The following SGCG variants were observed in gnomAD, a reference collection of about 807,000 sequenced individuals.
SGCG encodes gamma-sarcoglycan.
Under a neutral mutation model 29.3 loss-of-function variants are expected in SGCG, and 26 were observed. The ratio of observed to expected loss-of-function variants is 0.89; its 90% CI spans 0.65 to 1.23. The LOEUF is 1.23. Ranked by LOEUF, SGCG falls within the 50% of genes most tolerant of loss-of-function variation. The pLI, the probability that SGCG is intolerant of heterozygous loss-of-function variation, is 0.00. For missense variants in SGCG, 353 were observed against 356.0 expected, an observed-to-expected ratio of 0.99 and a Z score of 0.07; for synonymous variants, 145 against 129.7, an observed-to-expected ratio of 1.12 and a Z score of -0.80.
chr13:23,314,845 C>T (rs556645318), intron 6 of SGCG, among the ~76,000 whole-genome samples: 2 of 152,268 alleles, frequency 1.3e-5, no homozygotes. Context: ...ACCAAGAAAA[C>T]GGCACAATGC....
intron 6 of SGCG, among the ~76,000 whole-genome samples, chr13:23,317,249 A>G (rs926193580): frequency 1.3e-5 from 2 of 152,214 alleles, no homozygotes; most frequent in African/African-American, 4.8e-5. Flanking sequence ...AAGAATATGC[A>G]TGGAATACAG....
At chr13:23,192,331 C>A (rs4402408) in intron 1 of SGCG, among the ~76,000 whole-genome samples, 55,874 of 151,926 alleles carry the variant, frequency 0.37, 11,418 homozygotes, top group Middle Eastern at 0.47. Flanking sequence ...CATGGAGTTT[C>A]TGTTGAAGTT....
At chr13:23,265,894 C>T (rs1268921653) in intron 4 of SGCG, among the ~76,000 whole-genome samples, 1 of 152,134 alleles carries the variant, frequency 6.6e-6, no homozygotes. Context: ...TAGATTTAAC[C>T]TAGCAATCCC....
intron 2 of SGCG, among the ~76,000 whole-genome samples, chr13:23,208,294 ATGGCATC>A (rs1408140797): frequency 3.9e-5 from 6 of 152,142 alleles, no homozygotes; most frequent in African/African-American, 1.4e-4. Context: ...CAGTGTAGCA[ATGGCATC>A]TTTATTATTT....
chr13:23,185,595 T>G (rs1006580767), intron 1 of SGCG, among the ~76,000 whole-genome samples: 32 of 151,762 alleles, frequency 2.1e-4, no homozygotes, highest in African/African-American at 7.8e-4. Context: ...TTGGAACCCA[T>G]CTTGAAAAAA....
At chr13:23,310,732 C>CA (rs1402578487) in intron 6 of SGCG, among the ~76,000 whole-genome samples, 11 of 152,070 alleles carry the variant, frequency 7.2e-5, no homozygotes, top group African/African-American at 2.7e-4. Context: ...CCTCTCCACC[C>CA]ATATTTCCCC....
chr13:23,312,656 G>A (rs1049805953), intron 6 of SGCG, among the ~76,000 whole-genome samples: 1 of 152,164 alleles, frequency 6.6e-6, no homozygotes, highest in African/African-American at 2.4e-5. Context: ...TACAGTGCAT[G>A]CCATTCGGGC....
upstream of SGCG, among the ~76,000 whole-genome samples, chr13:23,179,217 C>T (rs959647643): frequency 6.6e-6 from 1 of 152,128 alleles, no homozygotes; most frequent in East Asian, 1.9e-4. Context: ...CAAACTTAAG[C>T]TGCCTACATT....
intron 5 of SGCG, 88 bp from the exon 6 acceptor site, chr13:23,295,326 AT>A: frequency 1.9e-6 from 2 of 1,076,574 alleles, no homozygotes; most frequent in Non-Finnish European, 2.9e-6. Flanking sequence ...CAAAATCCAT[AT>A]GTTCTTTAAT....
At chr13:23,239,337 A>G (rs1051447637) in intron 3 of SGCG, among the ~76,000 whole-genome samples, 6 of 152,148 alleles carry the variant, frequency 3.9e-5, no homozygotes, top group African/African-American at 1.4e-4. Context: ...TAAAGTACTA[A>G]AAGAAAAAAA....
At chr13:23,247,555 G>C (rs1879761330) in intron 3 of SGCG, among the ~76,000 whole-genome samples, 1 of 152,098 alleles carries the variant, frequency 6.6e-6, no homozygotes. Context: ...GGTGAATAAA[G>C]TCACCCTTCT....
chr13:23,198,584 T>G (rs1265999322), intron 1 of SGCG, among the ~76,000 whole-genome samples: 1 of 152,098 alleles, frequency 6.6e-6, no homozygotes, highest in Non-Finnish European at 1.5e-5. Context: ...CGGTGGCTCA[T>G]ACCTATAATC....
chr13:23,204,026 A>T lies in SGCG; in HGVS notation c.195+137A>T, dbSNP rs569958832. 486 of 709,898 alleles carry T rather than the reference A, an allele frequency of 6.8e-4. 2 individuals are homozygous for T. The highest frequency in any genetic ancestry group is 6.8e-4 in the Non-Finnish European group (270 of 399,142). 44.0% of individuals were successfully genotyped at this position (709,898 alleles called of 1,614,324 possible). On this transcript the variant is annotated intron_variant, in intron 2 of 7. Transcript: ENST00000218867. ...GTCTGGCTCTGAATTTCAGGAGCAA[A>T]ATATGTATGTAGCATTTACGTTTTT...
chr13:23,195,491 GT>G (rs1294796883), intron 1 of SGCG, among the ~76,000 whole-genome samples: 7 of 151,740 alleles, frequency 4.6e-5, no homozygotes, highest in African/African-American at 1.7e-4. Context: ...TTAAATAAAG[GT>G]TTTTGTTTGT....
intron 4 of SGCG, among the ~76,000 whole-genome samples, chr13:23,276,486 G>A (rs1364616458): frequency 7.6e-6 from 1 of 131,768 alleles, no homozygotes; most frequent in Non-Finnish European, 1.6e-5. Flanking sequence ...AAGCTGGAGT[G>A]CAGTGGCCTG....
At chr13:23,181,281 A>C (rs1045427445) in intron 1 of SGCG, among the ~76,000 whole-genome samples, 2 of 152,358 alleles carry the variant, frequency 1.3e-5, no homozygotes, top group South Asian at 2.1e-4. Context: ...TCTGACTACA[A>C]ATATGCTACA....
intron 2 of SGCG, 99 bp downstream of exon 2, chr13:23,203,988 T>G (rs1219050273): frequency 4.4e-6 from 4 of 910,164 alleles, no homozygotes; most frequent in Non-Finnish European, 7.2e-6. Context: ...TAATTAACAT[T>G]CATTTCTTTG....
chr13:23,296,220 C>G (rs886354426), intron 6 of SGCG, among the ~76,000 whole-genome samples: 9 of 152,198 alleles, frequency 5.9e-5, no homozygotes, highest in Non-Finnish European at 1.2e-4. Context: ...AACCTTTGCA[C>G]TTTTTAGTGG....
chr13:23,210,458 G>A (rs1878149745), intron 2 of SGCG, among the ~76,000 whole-genome samples: 1 of 152,132 alleles, frequency 6.6e-6, no homozygotes, highest in Non-Finnish European at 1.5e-5. Context: ...TTGGGAGACT[G>A]AGGCGGGCAA....
Sources: allele counts gnomAD v4.1 joint callset (sites outside exome capture counted in the v4.1 genomes callset), GRCh38; gene constraint gnomAD v4.1.1; transcripts MANE v1.5; gene names NCBI Gene and HGNC (gene_info 2026-07-23, HGNC 2026-07-21).